LRP2: variants seen among roughly 807,000 people sequenced by gnomAD.
LRP2 encodes low-density lipoprotein receptor-related protein 2.
A neutral mutation model predicts 531.0 loss-of-function variants in LRP2; 172 were observed. The ratio of observed to expected loss-of-function variants is 0.32; its 90% CI spans 0.29 to 0.37. The LOEUF (loss-of-function observed/expected upper bound fraction) is 0.37, where lower values mean the gene tolerates loss of function less well. Among genes scored for constraint, LRP2 ranks in the 10% least tolerant of loss-of-function variants. The pLI is 1.00. For missense variants in LRP2, 5,167 were observed against 5,868.3 expected (o/e 0.88, Z 3.90); for synonymous variants, 1,992 against 2,027.6 (o/e 0.98, Z 0.47).
At chr2:169,230,284 G>A (rs952213391) in intron 31 of LRP2, among the ~76,000 whole-genome samples, 5 of 152,218 alleles carry the variant, frequency 3.3e-5, no homozygotes, top group Non-Finnish European at 7.3e-5. Context: ...ATTAAACAAT[G>A]TCAACGAGGA....
chr2:169,177,527 T>C (rs913145422), intron 53 of LRP2, among the ~76,000 whole-genome samples: 55 of 152,048 alleles, frequency 3.6e-4, no homozygotes, highest in African/African-American at 1.2e-3. Flanking sequence ...ACATGATAAC[T>C]GTTAAATCTT....
intron 63 of LRP2, among the ~76,000 whole-genome samples, chr2:169,160,685 A>AAAAAAAAAAAAAAAAAAAC (rs970862922): frequency 1.1e-5 from 1 of 94,234 alleles, no homozygotes; most frequent in African/African-American, 4.6e-5. Context: ...ATTTCCTTAA[A>AAAAAAAAAAAAAAAAAAAC]AAAAAAAAAA....
At chr2:169,328,259 GGCCAGCCGCCCC>G (rs1685166736) in intron 1 of LRP2, among the ~76,000 whole-genome samples, 1 of 113,476 alleles carries the variant, frequency 8.8e-6, no homozygotes. Context: ...CGCCCCGCCC[GGCCAGCCGCCCC>G]GTCCGGGAGG....
intron 1 of LRP2, among the ~76,000 whole-genome samples, chr2:169,361,320 GTCTC>G (rs1221120387): frequency 3.7e-5 from 4 of 106,680 alleles, no homozygotes; most frequent in South Asian, 3.2e-4. Context: ...CTGTCTCTCT[GTCTC>G]TCTCTGTCTC....
chr2:169,276,517 T>C (rs1683558618), intron 13 of LRP2, among the ~76,000 whole-genome samples: 1 of 152,144 alleles, frequency 6.6e-6, no homozygotes, highest in Non-Finnish European at 1.5e-5. Flanking sequence ...TTCATAAAAT[T>C]TATTCATATT....
chr2:169,173,007 GAAATACA>G, intron 57 of LRP2, 82 bp downstream of exon 57: 6 of 1,503,720 alleles, frequency 4.0e-6, no homozygotes, highest in Non-Finnish European at 5.5e-6. Context: ...GATGACATGG[GAAATACA>G]CTCTCATCTC....
chr2:169,169,780 T>C lies in LRP2; in HGVS notation c.11419A>G (p.Ser3807Gly), dbSNP rs571830028. 8.7e-6 allele frequency: 14 copies of C among 1,613,888 alleles called. No homozygotes were observed. The African/African-American group carries it at 1.2e-4, about 14-fold the overall frequency. The change falls in exon 60 of 79, where the codon AGT (serine) becomes GGT (glycine). Residue 3807 changes from serine to glycine, a missense_variant. By Grantham distance (56) the Ser-to-Gly change is moderately conservative. This residue lies in a region of LRP2 where 564 missense variants were observed against 747.7 expected (regional missense o/e 0.75). Coordinates refer to ENST00000649046, the MANE Select transcript of LRP2 (RefSeq NM_004525.3). ...AGTTCACTGTGTACACAATGTCCAC[T>C]TGTACACTGAAAATATTCAGGATGG... Reference protein sequence around the residue: ...TCHPEYFQCTSGHCVHSELKC... With the variant: ...TCHPEYFQCTGGHCVHSELKC...
At chr2:169,316,867 A>G (rs1324545351) in intron 3 of LRP2, among the ~76,000 whole-genome samples, 2 of 152,082 alleles carry the variant, frequency 1.3e-5, no homozygotes, top group Non-Finnish European at 2.9e-5. Flanking sequence ...AAAGCAGCTC[A>G]AAAGAGAGCC....
intron 1 of LRP2, among the ~76,000 whole-genome samples, chr2:169,326,981 A>G (rs1685084827): frequency 2.4e-5 from 3 of 123,170 alleles, no homozygotes; most frequent in Non-Finnish European, 5.1e-5. Context: ...TCCACCCAGC[A>G]TCCGCCCCAT....
intron 34 of LRP2, among the ~76,000 whole-genome samples, chr2:169,217,667 T>C (rs1337972478): frequency 1.3e-5 from 2 of 152,160 alleles, no homozygotes; most frequent in Non-Finnish European, 2.9e-5. Flanking sequence ...CTGAATTCAC[T>C]AAAAATCTAA....
rs1273070330 is a variant in LRP2, at chr2:169,142,811, A to T, written c.12989-18T>A. The T allele has an allele frequency of 4.3e-6, 7 of 1,613,422 alleles. No individual in the cohort carries two copies. In the Middle Eastern group the frequency reaches 6.6e-4, roughly 152 times the overall value. ...GTTGGGCACTGGAAAGCGGGTGAGA[A>T]CAGCAGTTAGGTCCTGACAGAATGA... On this transcript the variant is annotated intron_variant, in intron 70 of 78. Coordinates refer to ENST00000649046, the MANE Select transcript of LRP2 (RefSeq NM_004525.3).
At chr2:169,134,092 CA>C (rs1415852137) in intron 76 of LRP2, among the ~76,000 whole-genome samples, 1 of 152,170 alleles carries the variant, frequency 6.6e-6, no homozygotes, top group African/African-American at 2.4e-5. Flanking sequence ...ATGGTTAGTG[CA>C]GTCAGAATTC....
intron 1 of LRP2, among the ~76,000 whole-genome samples, chr2:169,327,485 T>C (rs1377221372): frequency 1.8e-5 from 1 of 57,082 alleles, no homozygotes; most frequent in East Asian, 5.5e-4. Context: ...GGGAGGGAGG[T>C]GGGGGGGTCA....
At chr2:169,344,351 T>C (rs1228155027) in intron 1 of LRP2, among the ~76,000 whole-genome samples, 2 of 151,930 alleles carry the variant, frequency 1.3e-5, no homozygotes, top group African/African-American at 4.8e-5. Flanking sequence ...CTCCCACTTA[T>C]GAGTGAGAAC....
chr2:169,284,335 G>A (rs1239035226), intron 9 of LRP2, among the ~76,000 whole-genome samples: 3 of 126,674 alleles, frequency 2.4e-5, no homozygotes, highest in Non-Finnish European at 4.7e-5. Flanking sequence ...CACAGTCTCG[G>A]CTCACTGCAA....
rs1687911982 is a variant in LRP2 at position 169,193,794 on chromosome 2, C to T, written c.8797G>A (p.Asp2933Asn). 2 of 1,614,192 alleles carry T rather than the reference C, an allele frequency of 1.2e-6. No individual in the cohort carries two copies. The highest frequency in any genetic ancestry group is 4.5e-5 in the East Asian group (2 of 44,880). ...WICDGDNDCGDMSDEDKRHQC... is the reference protein window; with the variant it reads ...WICDGDNDCGNMSDEDKRHQC... Reference sequence around the variant, plus strand: ...TGCCTTTTATCCTCGTCACTCATATCCCCACAGTCATTATCACCGTCACAG... The same window carrying T: ...TGCCTTTTATCCTCGTCACTCATATTCCCACAGTCATTATCACCGTCACAG... The change falls in exon 47 of 79, where the codon GAT (aspartate) becomes AAT (asparagine). Residue 2933 changes from aspartate (D) to asparagine (N), a missense_variant. Around this residue, in one of 6 missense-constraint regions of LRP2, gnomAD observed 1,129 missense variants for 1,362.7 expected, o/e 0.83. Coordinates refer to ENST00000649046, the MANE Select transcript of LRP2 (RefSeq NM_004525.3).
At chr2:169,259,745 CA>C (rs5836225) in intron 16 of LRP2, among the ~76,000 whole-genome samples, 27,547 of 150,734 alleles carry the variant, frequency 0.18, 2,810 homozygotes, top group East Asian at 0.41. Flanking sequence ...ACAACAACAA[CA>C]AAAAAAAAAA....
At chr2:169,214,199 C>T (rs985884841) in intron 35 of LRP2, among the ~76,000 whole-genome samples, 2 of 152,088 alleles carry the variant, frequency 1.3e-5, no homozygotes, top group Non-Finnish European at 1.5e-5. Flanking sequence ...AACATCTAAG[C>T]GTGGGCCATT....
At chr2:169,228,896 A>T (rs1191174464) in intron 31 of LRP2, among the ~76,000 whole-genome samples, 1 of 152,206 alleles carries the variant, frequency 6.6e-6, no homozygotes, top group Admixed American at 6.5e-5. Context: ...AGCAAAAAGA[A>T]GTGACTTCAC....
Sources: gnomAD v4.1 joint callset for allele counts (sites outside exome capture counted in the v4.1 genomes callset) on GRCh38, gnomAD v4.1.1 for gene constraint, gnomAD v4.1.1 regional missense constraint, MANE v1.5 for transcripts, NCBI Gene and HGNC (gene_info 2026-07-23, HGNC 2026-07-21) for gene names.